The following DCC variants were observed in gnomAD, a reference collection of about 807,000 sequenced individuals.
DCC encodes DCC netrin 1 receptor.
A neutral mutation model predicts 172.5 loss-of-function variants in DCC; 58 were observed. That is an observed-to-expected ratio of 0.34 (90% CI 0.27 to 0.42). DCC has a LOEUF of 0.42. Among genes scored for constraint, DCC ranks in the 10% least tolerant of loss-of-function variants. DCC has a pLI of 1.00. For missense variants in DCC, 1,740 were observed against 1,791.0 expected (o/e 0.97, Z 0.51); for synonymous variants, 709 against 644.5 (o/e 1.10, Z -1.52).
intron 2 of DCC, among the ~76,000 whole-genome samples, chr18:52,870,713 C>G (rs1251662149): frequency 1.6e-5 from 2 of 124,174 alleles, no homozygotes; most frequent in African/African-American, 6.0e-5. Context: ...GCAACTGACT[C>G]AGCAAAATAG....
intron 13 of DCC, among the ~76,000 whole-genome samples, chr18:53,310,740 T>C (rs1599010885): frequency 2.0e-5 from 3 of 152,286 alleles, no homozygotes; most frequent in South Asian, 4.1e-4. Flanking sequence ...ATTGAAATAA[T>C]AGCATAGCAA....
intron 1 of DCC, among the ~76,000 whole-genome samples, chr18:52,603,783 G>A (rs9304426): frequency 0.81 from 123,369 of 151,934 alleles, 50,864 homozygotes; most frequent in Middle Eastern, 0.91. Context: ...AACCTAAAAA[G>A]AAGAAGCTAA....
At chr18:52,676,904 A>G (rs1215116506) in intron 1 of DCC, among the ~76,000 whole-genome samples, 1 of 152,204 alleles carries the variant, frequency 6.6e-6, no homozygotes, top group Non-Finnish European at 1.5e-5. Context: ...CTTGGGGGTT[A>G]TAAATTTTAT....
intron 12 of DCC, among the ~76,000 whole-genome samples, chr18:53,288,467 A>C (rs2056961256): frequency 6.6e-6 from 1 of 152,170 alleles, no homozygotes; most frequent in South Asian, 2.1e-4. Context: ...CTTGAAATAA[A>C]AATCTTTTAA....
chr18:52,571,226 C>T (rs2144758739), intron 1 of DCC, among the ~76,000 whole-genome samples: 1 of 151,952 alleles, frequency 6.6e-6, no homozygotes, highest in Non-Finnish European at 1.5e-5. Context: ...TTTGAAAATT[C>T]AAAATATTCA....
At chr18:52,448,806 A>T (rs1204655105) in intron 1 of DCC, among the ~76,000 whole-genome samples, 1 of 152,228 alleles carries the variant, frequency 6.6e-6, no homozygotes, top group Non-Finnish European at 1.5e-5. Context: ...AATGGCCATA[A>T]CTTTCACCCT....
At chr18:53,336,862 C>A (rs1030730794) in intron 14 of DCC, among the ~76,000 whole-genome samples, 1 of 152,164 alleles carries the variant, frequency 6.6e-6, no homozygotes, top group Non-Finnish European at 1.5e-5. Flanking sequence ...GGAGATAGAA[C>A]AAGATCTTGT....
At chr18:52,914,598 TCTGGTTCCCGTGATCAGTTTGGATTAGG>T (rs2040015016) in intron 3 of DCC, among the ~76,000 whole-genome samples, 1 of 152,128 alleles carries the variant, frequency 6.6e-6, no homozygotes, top group Non-Finnish European at 1.5e-5. Context: ...TTAAATAAAT[TCTGGTTCCCGTGATCAGTTTGGATTAGG>T]CTGGTTTTTC....
At chr18:52,598,990 G>A (rs1332683170) in intron 1 of DCC, among the ~76,000 whole-genome samples, 1 of 152,128 alleles carries the variant, frequency 6.6e-6, no homozygotes, top group Non-Finnish European at 1.5e-5. Context: ...ATGAGGGAGA[G>A]GCCCTCATAG....
intron 1 of DCC, among the ~76,000 whole-genome samples, chr18:52,501,238 ACT>A (rs2031006215): frequency 6.6e-6 from 1 of 152,004 alleles, no homozygotes; most frequent in Non-Finnish European, 1.5e-5. Flanking sequence ...ATTCCTAAAG[ACT>A]CTCAGCACAA....
At chr18:52,894,277 G>A (rs2039695107) in intron 2 of DCC, among the ~76,000 whole-genome samples, 1 of 151,804 alleles carries the variant, frequency 6.6e-6, no homozygotes, top group African/African-American at 2.4e-5. Context: ...TGAACTCTTT[G>A]AGGAAAGAAA....
intron 20 of DCC, among the ~76,000 whole-genome samples, chr18:53,413,582 G>A (rs989998302): frequency 2.0e-5 from 3 of 152,090 alleles, no homozygotes; most frequent in South Asian, 4.1e-4. Context: ...AAATTCAAAA[G>A]ATAAAAATGA....
chr18:52,934,278 G>C lies in DCC; in HGVS notation c.985+8908G>C, dbSNP rs114156384. 1.3e-4 allele frequency among the ~76,000 whole-genome samples: 19 copies of C among 151,972 alleles called. 1 individual carries two copies. The highest frequency in any genetic ancestry group is 3.6e-4 in the African/African-American group (15 of 41,478). Reference sequence around the variant, plus strand: ...ATATAACAATATCTAGTGATACATTGAAATTTCTTTGGCAGTAATCTCTAG... The same window carrying C: ...ATATAACAATATCTAGTGATACATTCAAATTTCTTTGGCAGTAATCTCTAG... On this transcript the variant is annotated intron_variant, in intron 5 of 28. Transcript: ENST00000442544.
intron 7 of DCC, among the ~76,000 whole-genome samples, chr18:53,082,230 TAATA>T (rs2042817368): frequency 6.6e-6 from 1 of 152,134 alleles, no homozygotes; most frequent in Non-Finnish European, 1.5e-5. Context: ...ACATTAAATA[TAATA>T]AATAAATCCA....
intron 1 of DCC, among the ~76,000 whole-genome samples, chr18:52,605,837 A>G (rs1266818022): frequency 6.6e-6 from 1 of 152,110 alleles, no homozygotes; most frequent in Non-Finnish European, 1.5e-5. Context: ...CACCCAATCC[A>G]CAGTTGCTTC....
chr18:52,430,404 A>G (rs1987582692), intron 1 of DCC, among the ~76,000 whole-genome samples: 1 of 151,512 alleles, frequency 6.6e-6, no homozygotes, highest in South Asian at 2.1e-4. Flanking sequence ...GAAAAAATGC[A>G]TTGGTTAATT....
At chr18:52,749,782 T>C (rs182559673) in intron 1 of DCC, among the ~76,000 whole-genome samples, 1 of 152,332 alleles carries the variant, frequency 6.6e-6, no homozygotes, top group East Asian at 1.9e-4. Flanking sequence ...GTGACATAAA[T>C]AAGGTGCTTA....
intron 9 of DCC, among the ~76,000 whole-genome samples, chr18:53,196,249 A>G (rs900146571): frequency 6.6e-6 from 1 of 152,184 alleles, no homozygotes; most frequent in Non-Finnish European, 1.5e-5. Context: ...GTTGCATTTG[A>G]CATTACTTAG....
chr18:52,508,890 A>G (rs2031329940), intron 1 of DCC, among the ~76,000 whole-genome samples: 2 of 152,256 alleles, frequency 1.3e-5, no homozygotes, highest in Non-Finnish European at 2.9e-5. Context: ...TTGCTTGAGC[A>G]GAGATGCAGC....
Sources: allele counts gnomAD v4.1 joint callset (sites outside exome capture counted in the v4.1 genomes callset), GRCh38; gene constraint gnomAD v4.1.1; transcripts MANE v1.5; gene names NCBI Gene and HGNC (gene_info 2026-07-23, HGNC 2026-07-21).